ALS2CL: variants seen among roughly 807,000 people sequenced by gnomAD.
The protein encoded by ALS2CL is ALS2 C-terminal like, also known as ALS2 C-terminal-like protein.
In ALS2CL, 112 loss-of-function variants were observed where a neutral mutation model predicts 127.9. That is an observed-to-expected ratio of 0.88 (90% CI 0.75 to 1.02). The LOEUF (loss-of-function observed/expected upper bound fraction) is 1.02. ALS2CL is among the 50% of genes least tolerant of loss of function. The pLI is 0.00. For synonymous variants in ALS2CL, 519 were observed against 527.6 expected (o/e 0.98, Z 0.22); for missense variants, 1,174 against 1,236.7 (o/e 0.95, Z 0.76).
intron 22 of ALS2CL, 22 bp downstream of exon 22, chr3:46,673,317 G>C (rs1253950014): frequency 6.4e-7 from 1 of 1,556,336 alleles, no homozygotes; most frequent in Non-Finnish European, 8.7e-7. Context: ...CCCCTGGCTT[G>C]GGGCTCTGGC....
chr3:46,680,270 G>C, intron 14 of ALS2CL, 160 bp downstream of exon 14: 3 of 700,480 alleles, frequency 4.3e-6, no homozygotes, highest in Non-Finnish European at 7.2e-6. Flanking sequence ...AGGGGAGGTG[G>C]GTGGTAGAGC....
intron 22 of ALS2CL, among the ~76,000 whole-genome samples, 174 bp from the exon 23 acceptor site, chr3:46,672,375 C>G (rs3935248): frequency 6.6e-6 from 1 of 152,074 alleles, no homozygotes; most frequent in Non-Finnish European, 1.5e-5. Context: ...CACTGTGGGC[C>G]TCAGTTTGTG....
chr3:46,678,020 G>T (rs995760132), intron 16 of ALS2CL, among the ~76,000 whole-genome samples: 2 of 148,466 alleles, frequency 1.3e-5, no homozygotes, highest in East Asian at 1.9e-4. Context: ...AAAAAAGCAG[G>T]ACCTAAGCAA....
At position 46,670,778 on chromosome 3, in the gene ALS2CL, G is replaced by T; in HGVS notation, c.*206C>A. ...TCATTGAAGATGGGCTAGTGGCCAA[G>T]GGAAAACCACCACATCCAGGGCCAC... is the stretch of plus-strand genomic sequence containing the variant. On this transcript the variant is annotated 3_prime_UTR_variant, in exon 26 of 26. Coordinates refer to ENST00000318962, the MANE Select transcript of ALS2CL (RefSeq NM_147129.5). This position sits in a 1 kb window ranked among gnomAD's most constrained non-coding sequence, Gnocchi z 5.5. 1.8e-6 allele frequency: 1 copy of T among 551,696 alleles called. No homozygotes were observed. Among genetic ancestry groups the T allele is most frequent in the Admixed American group, 3.1e-5 (1 of 32,720 alleles). The allele number at this position is 551,696 out of a possible 1,614,324, so 34.2% of individuals were successfully genotyped here.
Position 46,679,223 on chromosome 3 carries a change from G to T in ALS2CL, c.1613C>A (p.Thr538Asn), listed in dbSNP as rs1453103393. 1.3e-6 allele frequency: 2 copies of T among 1,570,676 alleles called. No homozygotes were observed. Among genetic ancestry groups the T allele is most frequent in the South Asian group, 1.2e-5 (1 of 85,144 alleles). The change falls in exon 15 of 26, where the codon ACC (threonine) becomes AAC (asparagine). Residue 538 changes from threonine to asparagine, a missense_variant. Coordinates refer to ENST00000318962, the MANE Select transcript of ALS2CL (RefSeq NM_147129.5). ...AGTGGTCCTCACCTTCCCCATGAGG[G>T]TCAGGTCCCTGGTGAAGGTGCCCTC... ...LYEGTFTRDL[T>N]LMGKGKVTFP...
At chr3:46,673,214 C>T in intron 22 of ALS2CL, 125 bp downstream of exon 22, 1 of 762,158 alleles carries the variant, frequency 1.3e-6, no homozygotes, top group South Asian at 1.8e-5. Context: ...GTGTCTCCTC[C>T]CAACCCACCC....
intron 3 of ALS2CL, 127 bp downstream of exon 3, chr3:46,687,971 C>A (rs1699909535): frequency 3.2e-5 from 39 of 1,223,996 alleles, no homozygotes; most frequent in Non-Finnish European, 4.5e-5. Flanking sequence ...TGAGCACCAA[C>A]CATGGACTGA....
chr3:46,675,723 C>G (rs754360597), intron 19 of ALS2CL, 37 bp from the exon 20 acceptor site: 1 of 1,611,918 alleles, frequency 6.2e-7, no homozygotes, highest in South Asian at 1.1e-5. Flanking sequence ...GTGGCTGCCC[C>G]TTGCCACAGA....
In ALS2CL at chr3:46,688,099, CTA is replaced by C; in HGVS notation, c.299_300del (p.Ile100ArgfsTer4). On this transcript the variant is annotated frameshift_variant and splice_region_variant, in exon 3 of 26. Coordinates refer to ENST00000318962, the MANE Select transcript of ALS2CL (RefSeq NM_147129.5). LOFTEE classifies it high-confidence loss of function. ...CAGCCCCACCTCCAGTGGTCTTACT[CTA>C]TGTGGGCCTGCAGTACACGGTCAGC... ...RGADRVLQAH[I>X]EYIESYTSCM... is the part of the protein sequence containing the mutation. The C allele has an allele frequency of 6.2e-7, 1 of 1,612,990 alleles. No homozygotes were observed. Among genetic ancestry groups the C allele is most frequent in the Non-Finnish European group, 8.5e-7 (1 of 1,179,812 alleles).
Position 46,686,878 on chromosome 3 carries a change from T to A in ALS2CL, c.534+105A>T. On this transcript the variant is annotated intron_variant, in intron 5 of 25. Transcript: ENST00000318962. The surrounding 1 kb of genome is among the most constrained non-coding windows in gnomAD (Gnocchi z 4.3). The stretch of plus-strand genomic sequence containing the variant: ...TCTCCCACCTGCCGGCATGGCTGAG[T>A]CCTTCTTGTACTAGGGTTCCTGAGT... 1 of 1,294,410 alleles carries A rather than the reference T, an allele frequency of 7.7e-7. No homozygotes were observed. The highest frequency in any genetic ancestry group is 1.0e-6 in the Non-Finnish European group (1 of 987,014). 80.2% of individuals were successfully genotyped at this position (1,294,410 alleles called of 1,614,324 possible).
chr3:46,679,215 C>T lies in ALS2CL; in HGVS notation c.1621G>A (p.Gly541Arg). 3 of 1,565,228 alleles carry T rather than the reference C, an allele frequency of 1.9e-6. No homozygotes were observed. Among genetic ancestry groups the T allele is most frequent in the Non-Finnish European group, 2.6e-6 (3 of 1,154,118 alleles). ...GTFTRDLTLMGKGKVTFPNGF... is the reference protein window; with the variant it reads ...GTFTRDLTLMRKGKVTFPNGF... Reference sequence around the variant, plus strand: ...GGGGCCTCAGTGGTCCTCACCTTCCCCATGAGGGTCAGGTCCCTGGTGAAG... The same window carrying T: ...GGGGCCTCAGTGGTCCTCACCTTCCTCATGAGGGTCAGGTCCCTGGTGAAG... Residue 541 changes from glycine to arginine, a missense_variant, in exon 15 of 26, where the codon GGG (glycine) becomes AGG (arginine). Physicochemically the swap from Gly to Arg is moderately radical, Grantham distance 125 (BLOSUM62 -2). Transcript: ENST00000318962.
chr3:46,676,063 C>T, intron 19 of ALS2CL, 182 bp downstream of exon 19: 4 of 1,361,952 alleles, frequency 2.9e-6, no homozygotes, highest in Non-Finnish European at 3.9e-6. Context: ...TGCAGCTGGG[C>T]CTTTGCTCTC....
intron 7 of ALS2CL, among the ~76,000 whole-genome samples, chr3:46,684,310 G>T (rs551948050): frequency 1.3e-5 from 2 of 152,294 alleles, no homozygotes; most frequent in East Asian, 3.9e-4. Flanking sequence ...TACAAATGAA[G>T]CTGGGACCTG....
Position 46,686,839 on chromosome 3 carries a change from G to A in ALS2CL, c.534+144C>T, listed in dbSNP as rs1243612234. 4 of 1,047,396 alleles carry A rather than the reference G, an allele frequency of 3.8e-6. No homozygotes were observed. Among genetic ancestry groups the A allele is most frequent in the Non-Finnish European group, 5.2e-6 (4 of 765,680 alleles). The allele number at this position is 1,047,396 out of a possible 1,614,324, so 64.9% of individuals were successfully genotyped here. A position where few individuals can be genotyped will look rare whatever the true frequency, so the allele number is the denominator to read the frequency against. ...CCTGAAAACCACAGGACAGGCCTGT[G>A]ACTTCCTCAACCCTCTCCCACCTGC... On this transcript the variant is annotated intron_variant, in intron 5 of 25. Transcript: ENST00000318962. The surrounding 1 kb of genome is among the most constrained non-coding windows in gnomAD (Gnocchi z 4.3).
intron 16 of ALS2CL, 54 bp downstream of exon 16, chr3:46,678,205 G>C: frequency 6.7e-7 from 1 of 1,485,200 alleles, no homozygotes; most frequent in South Asian, 1.5e-5. Flanking sequence ...CTTTGGGATG[G>C]AAACACAGAC....
intron 6 of ALS2CL, among the ~76,000 whole-genome samples, chr3:46,685,931 T>A (rs936726089): frequency 2.6e-5 from 4 of 152,180 alleles, no homozygotes; most frequent in African/African-American, 9.7e-5. Flanking sequence ...CAATTCTCGT[T>A]CCTCTACCTA....
rs567150847 is a variant in ALS2CL at position 46,683,022 on chromosome 3, G to A, written c.1109+108C>T. On this transcript the variant is annotated intron_variant, in intron 10 of 25. Transcript: ENST00000318962. Reference sequence around the variant, plus strand: ...TCTGAGAATTGACTGTCCACAGAGAGTAACCGCTCCTGGAACATGTCCTGA... The same window carrying A: ...TCTGAGAATTGACTGTCCACAGAGAATAACCGCTCCTGGAACATGTCCTGA... The A allele has an allele frequency of 2.8e-5, 34 of 1,220,396 alleles. No homozygotes were observed. The South Asian group carries it at 3.4e-4, about 12-fold the overall frequency. The allele number at this position is 1,220,396 out of a possible 1,614,324, so 75.6% of individuals were successfully genotyped here.
chr3:46,685,441 A>G, intron 7 of ALS2CL, 84 bp downstream of exon 7: 1 of 1,565,972 alleles, frequency 6.4e-7, no homozygotes, highest in Non-Finnish European at 8.7e-7. Flanking sequence ...CAGTCCCAGC[A>G]GCATGCCCCT....
Position 46,683,169 on chromosome 3 carries a change from G to A in ALS2CL, c.1070C>T (p.Thr357Ile), listed in dbSNP as rs1699488647. Residue 357 changes from threonine (T) to isoleucine (I), a missense_variant, in exon 10 of 26, where the codon ACC becomes ATC. Transcript: ENST00000318962. ...FQAEGRLCQATYEGEWCRGRP... is the reference protein window; with the variant it reads ...FQAEGRLCQAIYEGEWCRGRP... ...GCCCCTGCACCACTCGCCCTCGTAG[G>A]TGGCCTGGCAGAGCCGGCCCTCTGC... The A allele has an allele frequency of 6.2e-7, 1 of 1,603,354 alleles. No individual in the cohort carries two copies. The highest frequency in any genetic ancestry group is 1.3e-5 in the African/African-American group (1 of 74,692).
Sources: allele counts gnomAD v4.1 joint callset (sites outside exome capture counted in the v4.1 genomes callset), GRCh38; gene constraint gnomAD v4.1.1; non-coding constraint Gnocchi (gnomAD v3.1); transcripts MANE v1.5; gene names NCBI Gene and HGNC (gene_info 2026-07-23, HGNC 2026-07-21).